Variants in MYO3B observed in about 807,000 individuals in gnomAD.
MYO3B encodes the protein myosin IIIB, also known as myosin-IIIb.
In MYO3B, 156 loss-of-function variants were observed where a neutral mutation model predicts 174.6. The ratio of observed to expected loss-of-function variants is 0.89; its 90% CI spans 0.78 to 1.02. The LOEUF is 1.02. MYO3B is among the 50% of genes least tolerant of loss of function. The pLI, the probability that MYO3B is intolerant of heterozygous loss-of-function variation, is 0.00. For missense variants in MYO3B, 1,632 were observed against 1,639.4 expected (o/e 1.00, Z 0.08); for synonymous variants, 563 against 569.1 (o/e 0.99, Z 0.15).
intron 8 of MYO3B, among the ~76,000 whole-genome samples, chr2:170,365,081 C>G (rs1336966974): frequency 1.3e-5 from 2 of 152,208 alleles, no homozygotes; most frequent in Admixed American, 1.3e-4. Context: ...TCAATTCTTA[C>G]CAGCTCCAGG....
At chr2:170,200,602 C>T (rs2092650909) in intron 3 of MYO3B, among the ~76,000 whole-genome samples, 1 of 152,214 alleles carries the variant, frequency 6.6e-6, no homozygotes, top group Non-Finnish European at 1.5e-5. Flanking sequence ...GATTGCAACT[C>T]ATTTTCAAAA....
At chr2:170,324,820 T>A (rs1359656557) in intron 7 of MYO3B, among the ~76,000 whole-genome samples, 1 of 152,224 alleles carries the variant, frequency 6.6e-6, no homozygotes, top group East Asian at 1.9e-4. Context: ...TTTTCCTAAT[T>A]GCTTCTGTGG....
intron 32 of MYO3B, among the ~76,000 whole-genome samples, chr2:170,594,322 G>T (rs564591268): frequency 6.6e-6 from 1 of 152,264 alleles, no homozygotes; most frequent in Non-Finnish European, 1.5e-5. Flanking sequence ...TATCGTCAGT[G>T]CATGGCGAAG....
intron 7 of MYO3B, among the ~76,000 whole-genome samples, chr2:170,293,374 A>G (rs994009610): frequency 9.9e-5 from 15 of 152,132 alleles, no homozygotes; most frequent in African/African-American, 3.4e-4. Context: ...GTTTATTCTA[A>G]TTAGTTCTAC....
At chr2:170,468,976 G>A (rs746041580) in intron 25 of MYO3B, among the ~76,000 whole-genome samples, 3 of 152,128 alleles carry the variant, frequency 2.0e-5, no homozygotes, top group Non-Finnish European at 4.4e-5. Flanking sequence ...CCAACATGGT[G>A]AAATCCTGTC....
chr2:170,565,079 G>A (rs1691977424), intron 32 of MYO3B, among the ~76,000 whole-genome samples: 1 of 152,176 alleles, frequency 6.6e-6, no homozygotes, highest in South Asian at 2.1e-4. Flanking sequence ...GAAAGTGCAA[G>A]TGACCATGAC....
At chr2:170,239,282 A>G (rs1485707232) in intron 7 of MYO3B, among the ~76,000 whole-genome samples, 2 of 152,230 alleles carry the variant, frequency 1.3e-5, no homozygotes, top group East Asian at 3.8e-4. Context: ...GATCCGTTTC[A>G]TAGATATAAT....
At position 170,409,754 on chromosome 2, in the gene MYO3B, T is replaced by C. The variant is rs138942599; in HGVS notation, c.2650+1910T>C. Among the ~76,000 whole-genome samples the C allele has an allele frequency of 1.4e-3, 212 of 152,394 alleles. 1 individual carries two copies. Among genetic ancestry groups the C allele is most frequent in the African/African-American group, 4.9e-3 (204 of 41,598 alleles). ...GCCGTACACCAACTAGAACTTTCTT[T>C]TAACTTCATTTTCTATATGGAATTT... On this transcript the variant is annotated intron_variant, in intron 22 of 34. Transcript: ENST00000408978.
intron 6 of MYO3B, among the ~76,000 whole-genome samples, chr2:170,234,170 C>CAAAA (rs71006078): frequency 2.1e-5 from 1 of 48,582 alleles, no homozygotes; most frequent in Non-Finnish European, 3.5e-5. Context: ...GACTCCGTCT[C>CAAAA]AAAAAAAAAA....
At chr2:170,623,761 C>A (rs1434182879) in intron 32 of MYO3B, among the ~76,000 whole-genome samples, 1 of 152,038 alleles carries the variant, frequency 6.6e-6, no homozygotes, top group African/African-American at 2.4e-5. Flanking sequence ...TAATGTGTAA[C>A]AAAGGGATCC....
chr2:170,401,347 A>T, intron 17 of MYO3B, 134 bp from the exon 18 acceptor site: 2 of 749,532 alleles, frequency 2.7e-6, no homozygotes, highest in South Asian at 3.4e-5. Context: ...GGGGTTAGGG[A>T]TCTAGCCTGT....
chr2:170,473,028 C>T (rs1290171999), intron 25 of MYO3B, among the ~76,000 whole-genome samples: 3 of 151,812 alleles, frequency 2.0e-5, no homozygotes, highest in East Asian at 1.9e-4. Context: ...CTGTATTGTC[C>T]GATGCAGTGC....
chr2:170,191,525 T>C (rs185187555), intron 1 of MYO3B, among the ~76,000 whole-genome samples: 1 of 151,944 alleles, frequency 6.6e-6, no homozygotes, highest in South Asian at 2.1e-4. Context: ...AGGTGCAATT[T>C]CCCCCCGGCT....
At chr2:170,393,741 T>A (rs1310022614) in intron 16 of MYO3B, among the ~76,000 whole-genome samples, 1 of 152,168 alleles carries the variant, frequency 6.6e-6, no homozygotes, top group East Asian at 1.9e-4. Flanking sequence ...AATAGTACCT[T>A]TCTTTTTTTT....
chr2:170,266,871 A>G (rs185002978), intron 7 of MYO3B, among the ~76,000 whole-genome samples: 18 of 152,360 alleles, frequency 1.2e-4, no homozygotes, highest in African/African-American at 4.3e-4. Context: ...AAAATGACCA[A>G]ACTTGCAGTT....
At chr2:170,183,990 T>C (rs1440408058) in intron 1 of MYO3B, among the ~76,000 whole-genome samples, 7 of 151,948 alleles carry the variant, frequency 4.6e-5, no homozygotes. Context: ...TATTCCCTAA[T>C]GTTGCATTAT....
intron 32 of MYO3B, among the ~76,000 whole-genome samples, chr2:170,646,236 A>T (rs1160671753): frequency 6.7e-6 from 1 of 149,860 alleles, no homozygotes; most frequent in East Asian, 2.0e-4. Context: ...ACGCCATCGC[A>T]CTCCAGCCTG....
intron 22 of MYO3B, among the ~76,000 whole-genome samples, chr2:170,433,585 A>T (rs894715056): frequency 6.6e-6 from 1 of 152,226 alleles, no homozygotes; most frequent in African/African-American, 2.4e-5. Flanking sequence ...TGGGAGATGC[A>T]TGAAGGATGC....
chr2:170,368,824 G>T (rs529366758), intron 8 of MYO3B, among the ~76,000 whole-genome samples: 1 of 151,902 alleles, frequency 6.6e-6, no homozygotes, highest in South Asian at 2.1e-4. Flanking sequence ...TTTAATTGAG[G>T]TGATAGTATT....
Sources: gnomAD v4.1 joint callset for allele counts (sites outside exome capture counted in the v4.1 genomes callset) on GRCh38, gnomAD v4.1.1 for gene constraint, MANE v1.5 for transcripts, NCBI Gene and HGNC (gene_info 2026-07-23, HGNC 2026-07-21) for gene names.